Variants in C10orf143 observed in about 807,000 individuals in gnomAD.
The protein encoded by C10orf143 is uncharacterized protein C10orf143.
chr10:130,108,119 C>G (rs1393891745), intron 1 of C10orf143: 1 of 1,551,666 alleles, frequency 6.4e-7, no homozygotes, highest in Non-Finnish European at 8.9e-7. Context: ...CTTTGTTCCT[C>G]CACCTCTTGC....
rs548178643 is a variant in C10orf143, at chr10:130,110,147, T to C, written c.69+557A>G. Among the ~76,000 whole-genome samples, 3 of 152,266 alleles carry C rather than the reference T, an allele frequency of 2.0e-5. No individual in the cohort carries two copies. In the East Asian group the frequency reaches 5.8e-4, roughly 29 times the overall value. On this transcript the variant is annotated intron_variant, in intron 1 of 3. Transcript: ENST00000637128. ...TGACTTACCCACGCACCCTGGGATC[T>C]TGTGCAAGTCTCCCCATTACCATCT...
intron 3 of C10orf143, among the ~76,000 whole-genome samples, chr10:130,070,922 T>G (rs1243013759): frequency 6.6e-6 from 1 of 152,194 alleles, no homozygotes; most frequent in Non-Finnish European, 1.5e-5. Context: ...ATATTTTGTT[T>G]TGTTTTGTTT....
chr10:130,093,458 G>T (rs1861414098), intron 1 of C10orf143, among the ~76,000 whole-genome samples: 1 of 152,178 alleles, frequency 6.6e-6, no homozygotes, highest in Admixed American at 6.5e-5. Flanking sequence ...ACAGGAGAAA[G>T]TGGGAAAGAT....
At chr10:130,069,432 G>A (rs1236121001) in intron 3 of C10orf143, among the ~76,000 whole-genome samples, 1 of 152,178 alleles carries the variant, frequency 6.6e-6, no homozygotes, top group East Asian at 1.9e-4. Flanking sequence ...AAGAAATGCT[G>A]ATGAAATACA....
chr10:130,097,195 A>G (rs933880576), intron 1 of C10orf143, among the ~76,000 whole-genome samples: 1 of 152,174 alleles, frequency 6.6e-6, no homozygotes, highest in Non-Finnish European at 1.5e-5. Flanking sequence ...AGATGTGAAG[A>G]GTAATTTCCC....
intron 1 of C10orf143, among the ~76,000 whole-genome samples, chr10:130,081,911 T>C (rs948310502): frequency 6.8e-6 from 1 of 146,786 alleles, no homozygotes; most frequent in Non-Finnish European, 1.5e-5. Flanking sequence ...CAGTAAACTA[T>C]TTTATAGAGT....
intron 1 of C10orf143, among the ~76,000 whole-genome samples, chr10:130,083,353 C>T (rs111365068): frequency 3.9e-5 from 6 of 152,276 alleles, no homozygotes; most frequent in African/African-American, 1.4e-4. Flanking sequence ...GGAAATTTGG[C>T]AATACAAAGC....
chr10:130,108,410 A>C (rs1188417356), intron 1 of C10orf143: 1 of 919,268 alleles, frequency 1.1e-6, no homozygotes, highest in Non-Finnish European at 1.8e-6. Flanking sequence ...TCCGCCTTCA[A>C]ATGAGCCTGC....
At chr10:130,110,512 C>T (rs1861745610) in intron 1 of C10orf143, among the ~76,000 whole-genome samples, 192 bp downstream of exon 1, 1 of 152,372 alleles carries the variant, frequency 6.6e-6, no homozygotes, top group South Asian at 2.1e-4. Context: ...GGGAGAGCGG[C>T]GTCACAACCC....
intron 3 of C10orf143, among the ~76,000 whole-genome samples, chr10:130,069,375 C>G (rs1003490514): frequency 1.3e-5 from 2 of 152,128 alleles, no homozygotes; most frequent in African/African-American, 4.8e-5. Flanking sequence ...TAAGACATCC[C>G]CAGATAAACA....
intron 3 of C10orf143, among the ~76,000 whole-genome samples, chr10:130,041,962 C>T (rs1220435475): frequency 1.3e-5 from 2 of 152,180 alleles, no homozygotes; most frequent in African/African-American, 4.8e-5. Context: ...TGTACATGCC[C>T]ATGCACACCC....
At chr10:130,057,380 C>T (rs1463909417) in intron 3 of C10orf143, among the ~76,000 whole-genome samples, 2 of 152,322 alleles carry the variant, frequency 1.3e-5, no homozygotes, top group African/African-American at 4.8e-5. Flanking sequence ...TCCCTGCTGT[C>T]CCCTCTGGGC....
chr10:130,060,629 C>T (rs529166566), downstream of C10orf143, among the ~76,000 whole-genome samples: 130 of 149,578 alleles, frequency 8.7e-4, no homozygotes, highest in Non-Finnish European at 1.6e-3. Context: ...CGAGACCATC[C>T]TGGCTAACAC....
intron 1 of C10orf143, among the ~76,000 whole-genome samples, chr10:130,094,885 G>A (rs1054678674): frequency 1.2e-4 from 18 of 152,100 alleles, no homozygotes; most frequent in Non-Finnish European, 4.4e-5. Context: ...AGGGCAATCA[G>A]GCAAAAGAAA....
chr10:130,074,598 C>T (rs1484643171), intron 3 of C10orf143, among the ~76,000 whole-genome samples: 3 of 152,104 alleles, frequency 2.0e-5, no homozygotes, highest in Non-Finnish European at 4.4e-5. Flanking sequence ...TGTTCTCAGC[C>T]GTCACTGCAG....
At chr10:130,036,495 G>A (rs1860546570) in intron 3 of C10orf143, among the ~76,000 whole-genome samples, 1 of 152,166 alleles carries the variant, frequency 6.6e-6, no homozygotes, top group African/African-American at 2.4e-5. Flanking sequence ...CCCAGAAGCA[G>A]GCAGCTCCCT....
chr10:130,098,005 T>A (rs1411478710), intron 1 of C10orf143, among the ~76,000 whole-genome samples: 3 of 137,346 alleles, frequency 2.2e-5, no homozygotes, highest in Non-Finnish European at 4.8e-5. Flanking sequence ...AAAAACCACT[T>A]AATTACACAC....
At chr10:130,052,343 G>A (rs1184281005) in intron 3 of C10orf143, among the ~76,000 whole-genome samples, 1 of 152,134 alleles carries the variant, frequency 6.6e-6, no homozygotes, top group African/African-American at 2.4e-5. Context: ...ATCATGGAGG[G>A]TGACTCCAGG....
At chr10:130,108,578 T>C in intron 1 of C10orf143, 1 of 575,444 alleles carries the variant, frequency 1.7e-6, no homozygotes, top group Non-Finnish European at 3.2e-6. Context: ...TAGGATAGTA[T>C]TTTGTAAATA....
Sources: allele counts gnomAD v4.1 joint callset (sites outside exome capture counted in the v4.1 genomes callset), GRCh38; gene constraint gnomAD v4.1.1; transcripts MANE v1.5; gene names NCBI Gene and HGNC (gene_info 2026-07-23, HGNC 2026-07-21).